GAS2: variants seen among roughly 807,000 people sequenced by gnomAD.
GAS2 encodes growth arrest-specific protein 2.
A neutral mutation model predicts 37.5 loss-of-function variants in GAS2; 20 were observed. The observed-to-expected ratio is 0.53, with a 90% CI of 0.37 to 0.77. The LOEUF is 0.77. Ranked by LOEUF, GAS2 falls within the 30% of genes least tolerant of loss-of-function variation. The pLI is 0.00. For synonymous variants in GAS2, 144 were observed against 132.2 expected, an observed-to-expected ratio of 1.09 and a Z score of -0.61; for missense variants, 336 against 373.4, an observed-to-expected ratio of 0.90 and a Z score of 0.82.
chr11:22,793,966 A>G (rs1262090765), intron 7 of GAS2, among the ~76,000 whole-genome samples: 2 of 152,132 alleles, frequency 1.3e-5, no homozygotes, highest in Non-Finnish European at 2.9e-5. Context: ...CTCCTGAAGT[A>G]TGGTGGGGGA....
At chr11:22,652,991 T>TTCTTTCTTTTTTTCTTTCTTTCTTTC (rs769554594) in intron 1 of GAS2, among the ~76,000 whole-genome samples, 1 of 6,298 alleles carries the variant, frequency 1.6e-4, no homozygotes, top group African/African-American at 4.7e-4. Context: ...CTTTCTTTCT[T>TTCTTTCTTTTTTTCTTTCTTTCTTTC]TGTCTTTCTT....
At chr11:22,701,789 A>G (rs1850856859) in intron 3 of GAS2, among the ~76,000 whole-genome samples, 1 of 152,206 alleles carries the variant, frequency 6.6e-6, no homozygotes, top group South Asian at 2.1e-4. Context: ...AGATCACACC[A>G]CTGCACTCCA....
At chr11:22,778,101 C>A (rs1011807080) in intron 7 of GAS2, among the ~76,000 whole-genome samples, 1 of 152,108 alleles carries the variant, frequency 6.6e-6, no homozygotes, top group Non-Finnish European at 1.5e-5. Flanking sequence ...AAACAAATTA[C>A]TCCTCCCCTA....
At chr11:22,626,767 G>A (rs1227722720) in intron 1 of GAS2, 1 of 152,126 alleles carries the variant, frequency 6.6e-6, no homozygotes, top group Admixed American at 6.5e-5. Flanking sequence ...AAGGTGTTTT[G>A]TTTTGTACTT....
chr11:22,802,458 A>C (rs1022521037), intron 7 of GAS2, among the ~76,000 whole-genome samples: 1 of 151,016 alleles, frequency 6.6e-6, no homozygotes, highest in Non-Finnish European at 1.5e-5. Context: ...AAAGTATTAA[A>C]AAAAAAAAAA....
chr11:22,729,034 CTT>C (rs879442161), intron 4 of GAS2, among the ~76,000 whole-genome samples: 2 of 142,018 alleles, frequency 1.4e-5, no homozygotes, highest in Non-Finnish European at 1.5e-5. Flanking sequence ...TGGGGCAAGG[CTT>C]TTTTTTTTTA....
At chr11:22,646,595 C>A (rs1455433365) in intron 1 of GAS2, among the ~76,000 whole-genome samples, 1 of 152,168 alleles carries the variant, frequency 6.6e-6, no homozygotes, top group African/African-American at 2.4e-5. Context: ...AGGAAATATG[C>A]AACTGAAACT....
At chr11:22,671,941 T>A (rs1849221051) in intron 1 of GAS2, among the ~76,000 whole-genome samples, 1 of 152,146 alleles carries the variant, frequency 6.6e-6, no homozygotes, top group Non-Finnish European at 1.5e-5. Flanking sequence ...GTATTGACTT[T>A]CAGCCAAACC....
intron 3 of GAS2, among the ~76,000 whole-genome samples, chr11:22,715,460 C>CAAAAAAAAAAAAAAAAAAAAAAAAAA (rs1192862614): frequency 2.4e-5 from 1 of 41,768 alleles, no homozygotes; most frequent in African/African-American, 1.3e-4. Context: ...GACTCTGTCT[C>CAAAAAAAAAAAAAAAAAAAAAAAAAA]AAAAAAAAAA....
rs558189984 is a variant in GAS2 at position 22,642,359 on chromosome 11, T to A, written c.-21+16546T>A. 1.1e-3 allele frequency among the ~76,000 whole-genome samples: 166 copies of A among 152,256 alleles called. 1 individual carries two copies. Among genetic ancestry groups the A allele is most frequent in the African/African-American group, 3.9e-3 (162 of 41,560 alleles). The stretch of plus-strand genomic sequence containing the variant: ...AAGAATGAGAAAGACTATTCTACAT[T>A]TTCTCATTTACGTGATTGGGTGAAG... On this transcript the variant is annotated intron_variant, in intron 1 of 5. Coordinates refer to the GAS2 transcript ENST00000528582.
intron 1 of GAS2, among the ~76,000 whole-genome samples, chr11:22,647,234 C>G (rs1477513359): frequency 4.0e-5 from 6 of 151,664 alleles, no homozygotes; most frequent in African/African-American, 7.3e-5. Context: ...CATCCATGTC[C>G]CTACAAAGGA....
At chr11:22,679,995 C>T (rs1849605116) in intron 2 of GAS2, among the ~76,000 whole-genome samples, 1 of 152,032 alleles carries the variant, frequency 6.6e-6, no homozygotes, top group African/African-American at 2.4e-5. Context: ...TGTAACATTT[C>T]ATTTTTTTTA....
upstream of GAS2, among the ~76,000 whole-genome samples, chr11:22,665,095 T>C (rs1033006620): frequency 2.6e-5 from 4 of 152,140 alleles, no homozygotes; most frequent in African/African-American, 9.6e-5. Context: ...CCTCCTTTTT[T>C]TCCCCAAACT....
chr11:22,687,109 T>A (rs1299802110), intron 3 of GAS2, among the ~76,000 whole-genome samples: 1 of 152,032 alleles, frequency 6.6e-6, no homozygotes, highest in Non-Finnish European at 1.5e-5. Flanking sequence ...GCAGATTGCT[T>A]GAGCTCGGGA....
intron 7 of GAS2, among the ~76,000 whole-genome samples, chr11:22,779,290 T>C (rs1303302744): frequency 6.6e-6 from 1 of 152,102 alleles, no homozygotes; most frequent in East Asian, 1.9e-4. Context: ...AGTGAAAATG[T>C]GGGGATGGTG....
chr11:22,666,405 C>T (rs1212743304), upstream of GAS2, among the ~76,000 whole-genome samples: 1 of 152,174 alleles, frequency 6.6e-6, no homozygotes, highest in Non-Finnish European at 1.5e-5. Context: ...TGTGCTAAAG[C>T]TATTGACTCT....
intron 5 of GAS2, among the ~76,000 whole-genome samples, chr11:22,741,620 A>G (rs933026295): frequency 6.6e-6 from 1 of 152,054 alleles, no homozygotes; most frequent in Admixed American, 6.6e-5. Context: ...TTAATCTGTG[A>G]TTTTTATTCA....
chr11:22,632,869 G>A (rs1280410180), intron 1 of GAS2, among the ~76,000 whole-genome samples: 2 of 150,220 alleles, frequency 1.3e-5, no homozygotes, highest in South Asian at 2.1e-4. Flanking sequence ...CCTGCATTTC[G>A]TAATTCCCTA....
chr11:22,781,714 T>C lies in GAS2; in HGVS notation c.723+25761T>C, dbSNP rs564366951. Among the ~76,000 whole-genome samples, 8 of 152,302 alleles carry C rather than the reference T, an allele frequency of 5.3e-5. No homozygotes were observed. The South Asian group carries it at 1.7e-3, about 32-fold the overall frequency. ...AACTCCCTGAGGTTTATTATGGTAC[T>C]CGGTGTAACACATTATAAGGTCCAA... On this transcript the variant is annotated intron_variant, in intron 7 of 7. Coordinates refer to ENST00000454584, the MANE Select transcript of GAS2 (RefSeq NM_001143830.3).
Sources: allele counts gnomAD v4.1 joint callset (sites outside exome capture counted in the v4.1 genomes callset), GRCh38; gene constraint gnomAD v4.1.1; transcripts MANE v1.5; gene names NCBI Gene and HGNC (gene_info 2026-07-23, HGNC 2026-07-21).